The following ZNF652 variants were observed in gnomAD, a reference collection of about 807,000 sequenced individuals.
The protein encoded by ZNF652 is zinc finger protein 652.
Under a neutral mutation model 45.2 loss-of-function variants are expected in ZNF652, and 16 were observed. The ratio of observed to expected loss-of-function variants is 0.35; its 90% CI spans 0.24 to 0.54. ZNF652 has a LOEUF of 0.54. Ranked by LOEUF, ZNF652 falls within the 20% of genes least tolerant of loss-of-function variation. The pLI is 0.91. For synonymous variants in ZNF652, 250 were observed against 260.6 expected, an observed-to-expected ratio of 0.96 and a Z score of 0.39; for missense variants, 614 against 765.6, an observed-to-expected ratio of 0.80 and a Z score of 2.34.
At chr17:49,313,905 G>C (rs1208430714) in intron 2 of ZNF652, among the ~76,000 whole-genome samples, 1 of 131,798 alleles carries the variant, frequency 7.6e-6, no homozygotes, top group Non-Finnish European at 1.6e-5. Context: ...CCGGGAGGTG[G>C]AGGTTGCAGT....
At chr17:49,360,622 C>G (rs1196508162) in intron 1 of ZNF652, among the ~76,000 whole-genome samples, 1 of 152,196 alleles carries the variant, frequency 6.6e-6, no homozygotes, top group Admixed American at 6.5e-5. Context: ...GACGACATCA[C>G]CTGTATTCAG....
At chr17:49,343,506 C>A (rs971341189) in intron 1 of ZNF652, among the ~76,000 whole-genome samples, 3 of 152,100 alleles carry the variant, frequency 2.0e-5, no homozygotes, top group Non-Finnish European at 4.4e-5. Context: ...GTGGTGGAAA[C>A]ATTTATGTGG....
intron 1 of ZNF652, among the ~76,000 whole-genome samples, chr17:49,332,953 A>C (rs956107270): frequency 6.6e-6 from 1 of 152,178 alleles, no homozygotes; most frequent in Non-Finnish European, 1.5e-5. Context: ...CAGGAGGATC[A>C]TATGAACCCA....
chr17:49,359,284 A>G (rs1243839976), intron 1 of ZNF652, among the ~76,000 whole-genome samples: 1 of 152,250 alleles, frequency 6.6e-6, no homozygotes, highest in Non-Finnish European at 1.5e-5. Flanking sequence ...AAGCACTGGC[A>G]GCATGTTTAT....
At chr17:49,347,993 G>A (rs977914260) in intron 1 of ZNF652, among the ~76,000 whole-genome samples, 9 of 151,682 alleles carry the variant, frequency 5.9e-5, no homozygotes, top group African/African-American at 1.9e-4. Flanking sequence ...CAATCCACCC[G>A]CCTTGGCCTC....
intron 1 of ZNF652, among the ~76,000 whole-genome samples, chr17:49,318,725 G>A (rs1432933854): frequency 1.3e-5 from 2 of 152,194 alleles, no homozygotes; most frequent in Non-Finnish European, 2.9e-5. Context: ...TATATTGGCT[G>A]ACTTTCTTTC....
In ZNF652 at chr17:49,309,129, T is replaced by C. The variant is rs368990298; in HGVS notation, c.1309+2183A>G. Among the ~76,000 whole-genome samples the C allele has an allele frequency of 5.3e-5, 8 of 152,018 alleles. No homozygotes were observed. The East Asian group carries it at 5.8e-4, about 11-fold the overall frequency. On this transcript the variant is annotated intron_variant, in intron 5 of 5. Transcript: ENST00000430262. The stretch of plus-strand genomic sequence containing the variant: ...GTGCTAGAGGTTCCTTTCAATTCTG[T>C]GACAGTTACCAAGCATCTATGTGCC...
At chr17:49,350,082 T>C (rs1349231673) in intron 1 of ZNF652, among the ~76,000 whole-genome samples, 1 of 152,196 alleles carries the variant, frequency 6.6e-6, no homozygotes, top group African/African-American at 2.4e-5. Context: ...CTGAATTAAA[T>C]ACGAAGTGTA....
chr17:49,361,584 C>G (rs1328996584), intron 1 of ZNF652, among the ~76,000 whole-genome samples: 1 of 152,196 alleles, frequency 6.6e-6, no homozygotes, highest in Admixed American at 6.5e-5. Flanking sequence ...TCTCGGCCCG[C>G]TAACCCGTGC....
At chr17:49,327,675 T>A in intron 1 of ZNF652, among the ~76,000 whole-genome samples, 1 of 135,508 alleles carries the variant, frequency 7.4e-6, no homozygotes, top group Non-Finnish European at 1.6e-5. Context: ...AGCAAGGGAG[T>A]TCAAGAGTAA....
intron 1 of ZNF652, among the ~76,000 whole-genome samples, chr17:49,319,716 A>G (rs2069863450): frequency 6.7e-6 from 1 of 149,164 alleles, no homozygotes; most frequent in Non-Finnish European, 1.5e-5. Flanking sequence ...ATCATGGCTC[A>G]CTGCAGCCTC....
At chr17:49,312,895 T>C (rs377669227) in intron 2 of ZNF652, 50 bp from the exon 3 acceptor site, 26 of 1,569,830 alleles carry the variant, frequency 1.7e-5, no homozygotes, top group Non-Finnish European at 2.0e-5. Context: ...CAGCATGCCA[T>C]ACCAGCCTAC....
At chr17:49,302,203 G>A (rs2069562483) in intron 5 of ZNF652, among the ~76,000 whole-genome samples, 1 of 151,864 alleles carries the variant, frequency 6.6e-6, no homozygotes, top group South Asian at 2.1e-4. Context: ...GCAGTGAGCT[G>A]AGATTGCACC....
chr17:49,298,180 C>T lies in ZNF652; in HGVS notation c.*233G>A, dbSNP rs957571255. ...AACTTATAAAAGTCATCAGAAAATG[C>T]AAGCAAATTGGGCTTTAGTTCAGTG... On this transcript the variant is annotated 3_prime_UTR_variant, in exon 6 of 6. Transcript: ENST00000430262. The T allele has an allele frequency of 6.3e-5, 34 of 543,888 alleles. No homozygotes were observed. The highest frequency in any genetic ancestry group is 9.5e-5 in the East Asian group (3 of 31,500). The allele number at this position is 543,888 out of a possible 1,614,324, so 33.7% of individuals were successfully genotyped here.
intron 1 of ZNF652, among the ~76,000 whole-genome samples, chr17:49,359,079 G>T (rs1257084124): frequency 6.6e-6 from 1 of 152,274 alleles, no homozygotes; most frequent in East Asian, 1.9e-4. Flanking sequence ...TGGTTTAGAA[G>T]AGGTTCTGCA....
intron 1 of ZNF652, among the ~76,000 whole-genome samples, chr17:49,353,290 T>C (rs1474163063): frequency 1.3e-5 from 2 of 152,022 alleles, no homozygotes. Context: ...CAGGTGATCC[T>C]CCCATCTCAG....
rs1443812357 is a variant in ZNF652, at chr17:49,331,161, A to C, written c.-258-13178T>G. Among the ~76,000 whole-genome samples the C allele has an allele frequency of 7.3e-5, 10 of 136,486 alleles. No homozygotes were observed. The East Asian group carries it at 2.1e-3, about 29-fold the overall frequency. The allele number at this position is 136,486 out of a possible 152,430, so 89.5% of individuals were successfully genotyped here. ...TTTTGGGACGGAGTCTCGCTCTGTC[A>C]CCCAGGCTGGAGGGCAGTGGCGCGA... On this transcript the variant is annotated intron_variant, in intron 1 of 5. Coordinates refer to ENST00000430262, the MANE Select transcript of ZNF652 (RefSeq NM_001145365.3).
At chr17:49,342,137 G>C (rs922755356) in intron 1 of ZNF652, among the ~76,000 whole-genome samples, 10 of 151,168 alleles carry the variant, frequency 6.6e-5, no homozygotes, top group Admixed American at 1.3e-4. Flanking sequence ...AGTGAGCCAA[G>C]ATTGCGCCAC....
chr17:49,329,728 G>A (rs1598303394), intron 1 of ZNF652, among the ~76,000 whole-genome samples: 1 of 152,102 alleles, frequency 6.6e-6, no homozygotes, highest in Non-Finnish European at 1.5e-5. Context: ...TTTTACACAC[G>A]CATTTAAATG....
Sources: allele counts gnomAD v4.1 joint callset (sites outside exome capture counted in the v4.1 genomes callset), GRCh38; gene constraint gnomAD v4.1.1; transcripts MANE v1.5; gene names NCBI Gene and HGNC (gene_info 2026-07-23, HGNC 2026-07-21).